The following NTM variants were observed in gnomAD, a reference collection of about 807,000 sequenced individuals.
NTM encodes the protein IgLON family member 2.
A neutral mutation model predicts 42.1 loss-of-function variants in NTM; 13 were observed. The observed-to-expected ratio is 0.31, with a 90% CI of 0.20 to 0.49. NTM has a LOEUF of 0.49. NTM is among the 20% of genes least tolerant of loss of function. The pLI is 0.99. For missense variants in NTM, 373 were observed against 452.8 expected, an observed-to-expected ratio of 0.82 and a Z score of 1.60; for synonymous variants, 187 against 179.2, an observed-to-expected ratio of 1.04 and a Z score of -0.35.
chr11:131,994,984 T>G (rs946491367), intron 2 of NTM, among the ~76,000 whole-genome samples: 2 of 152,230 alleles, frequency 1.3e-5, no homozygotes. Context: ...ATCTGCCATG[T>G]GCATTTATGC....
intron 1 of NTM, among the ~76,000 whole-genome samples, chr11:131,854,421 A>G (rs1284633671): frequency 6.6e-6 from 1 of 152,384 alleles, no homozygotes. Context: ...GGGAATTCGC[A>G]TGGTGTAAAG....
chr11:132,233,642 C>T (rs750727408), intron 4 of NTM, among the ~76,000 whole-genome samples: 7 of 152,092 alleles, frequency 4.6e-5, no homozygotes, highest in Non-Finnish European at 1.0e-4. Context: ...TTGTTTATGC[C>T]TGCTTTTGTC....
chr11:131,545,300 T>G (rs991248369), intron 1 of NTM, among the ~76,000 whole-genome samples: 1 of 152,188 alleles, frequency 6.6e-6, no homozygotes, highest in South Asian at 2.1e-4. Flanking sequence ...TTTTTCTTTT[T>G]CTTTTTTCTT....
At chr11:131,686,956 C>T (rs922303620) in intron 1 of NTM, among the ~76,000 whole-genome samples, 7 of 152,186 alleles carry the variant, frequency 4.6e-5, no homozygotes, top group Non-Finnish European at 7.3e-5. Context: ...AGTGAAGCGG[C>T]GCCCTGGTGG....
Position 131,771,878 on chromosome 11 carries a change from G to T in NTM, c.83-139686G>T, listed in dbSNP as rs764505232. Among the ~76,000 whole-genome samples, 135 of 152,190 alleles carry T rather than the reference G, an allele frequency of 8.9e-4. 4 individuals carry two copies. The highest frequency in any genetic ancestry group is 2.1e-4 in the Non-Finnish European group (14 of 68,052). On this transcript the variant is annotated intron_variant, in intron 1 of 8. Transcript: ENST00000683400. ...ACATGCTTTATGAAGAAGTCTGGAT[G>T]AAACATGACAAGCTGAATTGGCCCC... is the stretch of plus-strand genomic sequence containing the variant.
At chr11:131,606,298 C>T (rs2137479870) in intron 1 of NTM, among the ~76,000 whole-genome samples, 1 of 152,284 alleles carries the variant, frequency 6.6e-6, no homozygotes, top group Middle Eastern at 3.4e-3. Context: ...TCAAGCGATC[C>T]TCCTGTCTAG....
At chr11:131,660,835 CATT>C in intron 1 of NTM, 9 of 1,215,482 alleles carry the variant, frequency 7.4e-6, no homozygotes, top group Non-Finnish European at 9.5e-6. Flanking sequence ...AATATTCACT[CATT>C]GTTACAGTTT....
intron 3 of NTM, among the ~76,000 whole-genome samples, chr11:132,205,269 C>A (rs942367905): frequency 2.6e-5 from 4 of 152,150 alleles, no homozygotes; most frequent in African/African-American, 9.7e-5. Context: ...TTCTCAGCCC[C>A]ACAGGACTGC....
chr11:132,318,129 C>A (rs1233814613), intron 7 of NTM, among the ~76,000 whole-genome samples: 2 of 152,168 alleles, frequency 1.3e-5, no homozygotes, highest in Non-Finnish European at 2.9e-5. Context: ...TCATGAGGTT[C>A]TCCAAAGGAG....
intron 1 of NTM, among the ~76,000 whole-genome samples, chr11:131,750,607 T>C (rs1291932850): frequency 6.6e-6 from 1 of 152,192 alleles, no homozygotes; most frequent in Non-Finnish European, 1.5e-5. Flanking sequence ...GTTGATTTCA[T>C]CTCCAAAATG....
chr11:132,298,222 A>G (rs1435084768), intron 4 of NTM, among the ~76,000 whole-genome samples: 1 of 152,260 alleles, frequency 6.6e-6, no homozygotes, highest in Non-Finnish European at 1.5e-5. Flanking sequence ...CAAACAGCCA[A>G]GATACTGAGG....
chr11:131,844,000 T>G (rs2044616399), intron 1 of NTM, among the ~76,000 whole-genome samples: 1 of 152,212 alleles, frequency 6.6e-6, no homozygotes, highest in Non-Finnish European at 1.5e-5. Flanking sequence ...TGTCTTCTTT[T>G]TTTTGTAGAG....
rs569406490 is a variant in NTM, at chr11:132,046,825, A to T, written c.168-99457A>T. 1.6e-4 allele frequency among the ~76,000 whole-genome samples: 24 copies of T among 152,224 alleles called. 1 individual carries two copies. The highest frequency in any genetic ancestry group is 5.3e-4 in the African/African-American group (22 of 41,546). ...ATCTATCTGTCTGTCTATCTATCTA[A>T]CTATCTATCTACTGTTTATCTATCT... On this transcript the variant is annotated intron_variant, in intron 2 of 8. Transcript: ENST00000683400.
At chr11:131,686,759 G>T (rs899449005) in intron 1 of NTM, among the ~76,000 whole-genome samples, 2 of 152,314 alleles carry the variant, frequency 1.3e-5, no homozygotes, top group East Asian at 1.9e-4. Flanking sequence ...GAGGCTGGCC[G>T]AGAGGCACAG....
intron 2 of NTM, among the ~76,000 whole-genome samples, chr11:131,957,792 A>G (rs1565823279): frequency 1.3e-5 from 2 of 152,148 alleles, no homozygotes; most frequent in South Asian, 4.1e-4. Flanking sequence ...GACAGTTTTT[A>G]TGTTAATAGA....
intron 4 of NTM, among the ~76,000 whole-genome samples, chr11:132,281,314 T>C (rs893027742): frequency 1.3e-5 from 2 of 152,316 alleles, no homozygotes; most frequent in East Asian, 1.9e-4. Flanking sequence ...GAAGTAACAT[T>C]GATACTTTTC....
intron 4 of NTM, among the ~76,000 whole-genome samples, chr11:132,220,168 G>T (rs542931583): frequency 6.6e-5 from 10 of 152,250 alleles, no homozygotes; most frequent in African/African-American, 2.4e-4. Context: ...TAGAGCATTA[G>T]GTTCAATATA....
chr11:132,111,083 A>C lies in NTM; in HGVS notation c.168-35199A>C, dbSNP rs1207552253. 1.7e-3 allele frequency among the ~76,000 whole-genome samples: 26 copies of C among 14,916 alleles called. 4 individuals carry two copies. The highest frequency in any genetic ancestry group is 4.0e-3 in the African/African-American group (9 of 2,248). 9.8% of individuals were successfully genotyped at this position (14,916 alleles called of 152,430 possible). A position where few individuals can be genotyped will look rare whatever the true frequency, so the allele number is the denominator to read the frequency against. On this transcript the variant is annotated intron_variant, in intron 2 of 8. Coordinates refer to ENST00000683400, the MANE Select transcript of NTM (RefSeq NM_001352005.2). ...TATCTCAAAAAAAAAAAAAAAAAAA[A>C]AAAAAAAAAAAAAAAAAAAAAAAAA...
At chr11:131,605,946 A>T (rs2060914471) in intron 1 of NTM, 1 of 916,848 alleles carries the variant, frequency 1.1e-6, no homozygotes, top group Non-Finnish European at 1.3e-6. Context: ...TAAAATTGTA[A>T]ATATTCTTTC....
Sources: gnomAD v4.1 joint callset for allele counts (sites outside exome capture counted in the v4.1 genomes callset) on GRCh38, gnomAD v4.1.1 for gene constraint, MANE v1.5 for transcripts, NCBI Gene and HGNC (gene_info 2026-07-23, HGNC 2026-07-21) for gene names.